Variants in CASD1 observed in about 807,000 individuals in gnomAD.
CASD1 encodes the protein N-acetylneuraminate (7)9-O-acetyltransferase.
Under a neutral mutation model 100.0 loss-of-function variants are expected in CASD1, and 41 were observed. That is an observed-to-expected ratio of 0.41 (90% CI 0.32 to 0.53). The LOEUF (loss-of-function observed/expected upper bound fraction) is 0.53. Among genes scored for constraint, CASD1 ranks in the 20% least tolerant of loss-of-function variants. The probability of loss-of-function intolerance (pLI) is 0.25; values close to 1 mark genes in which losing one functional copy is unlikely to be tolerated. For synonymous variants in CASD1, 321 were observed against 315.6 expected, an observed-to-expected ratio of 1.02 and a Z score of -0.18; for missense variants, 774 against 948.7, an observed-to-expected ratio of 0.82 and a Z score of 2.42.
intron 8 of CASD1, among the ~76,000 whole-genome samples, chr7:94,537,241 T>C (rs1460243469): frequency 6.6e-6 from 1 of 152,166 alleles, no homozygotes; most frequent in African/African-American, 2.4e-5. Flanking sequence ...TGGGTCACAT[T>C]ATAAAATGAA....
At chr7:94,558,390 C>T (rs2374738), downstream of CASD1, among the ~76,000 whole-genome samples, 108,134 of 151,548 alleles carry the variant, frequency 0.71, 40,379 homozygotes, top group East Asian at 1. Context: ...GAGTCTGTTG[C>T]ATAACAGGAG....
intron 1 of CASD1, among the ~76,000 whole-genome samples, chr7:94,513,340 AT>A (rs201286262): frequency 2.7e-5 from 4 of 146,810 alleles, no homozygotes; most frequent in South Asian, 2.1e-4. Flanking sequence ...GAGTTTTTCT[AT>A]TTTTTTTTCC....
At chr7:94,536,034 G>C (rs942119288) in intron 8 of CASD1, among the ~76,000 whole-genome samples, 1 of 152,190 alleles carries the variant, frequency 6.6e-6, no homozygotes, top group Non-Finnish European at 1.5e-5. Context: ...CTTGAGGTCA[G>C]GAGTTCGAGA....
chr7:94,542,226 A>G (rs1795437856), intron 10 of CASD1, among the ~76,000 whole-genome samples: 1 of 152,204 alleles, frequency 6.6e-6, no homozygotes, highest in African/African-American at 2.4e-5. Flanking sequence ...AAATATTTAT[A>G]GAGCCATCAG....
At chr7:94,607,180 A>G in the CASD1 span, among the ~76,000 whole-genome samples, 1 of 152,202 alleles carries the variant, frequency 6.6e-6, no homozygotes, top group African/African-American at 2.4e-5. Context: ...AGCAGAAAGC[A>G]TCAGGTCCAG....
At chr7:94,586,073 A>C in the CASD1 span, among the ~76,000 whole-genome samples, 7 of 149,988 alleles carry the variant, frequency 4.7e-5, no homozygotes, top group East Asian at 1.9e-4. Flanking sequence ...AAAAAAAAAA[A>C]AAAAAAAAAA....
the CASD1 span, chr7:94,628,389 A>C: frequency 6.4e-7 from 1 of 1,560,706 alleles, no homozygotes; most frequent in Non-Finnish European, 8.8e-7. Context: ...TTAAGACATA[A>C]GACAGTTATT....
At chr7:94,517,005 G>A (rs1188150356) in intron 1 of CASD1, among the ~76,000 whole-genome samples, 1 of 151,938 alleles carries the variant, frequency 6.6e-6, no homozygotes, top group Non-Finnish European at 1.5e-5. Context: ...CTGGGTTAAA[G>A]CAATTCTCAT....
chr7:94,510,318 C>A (rs1219677524), intron 1 of CASD1, 101 bp downstream of exon 1: 3 of 930,674 alleles, frequency 3.2e-6, no homozygotes, highest in East Asian at 6.9e-5. Context: ...ACGCGGCCTT[C>A]CGCCGGCCCG....
the CASD1 span, chr7:94,599,570 AC>A: frequency 1.3e-6 from 1 of 792,900 alleles, no homozygotes. Context: ...AGCAGCTTTC[AC>A]ATTTATGAAA....
chr7:94,561,145 G>A (rs926083308), downstream of CASD1, among the ~76,000 whole-genome samples: 2 of 152,112 alleles, frequency 1.3e-5, no homozygotes, highest in Admixed American at 1.3e-4. Flanking sequence ...TACTTGGGAG[G>A]CTGAGGCAGG....
chr7:94,600,245 A>G, the CASD1 span: 1 of 208,006 alleles, frequency 4.8e-6, no homozygotes, highest in Non-Finnish European at 9.7e-6. Context: ...GTTTGACAGC[A>G]GAATGATTTC....
At chr7:94,599,748 AT>A in the CASD1 span, 1 of 1,463,026 alleles carries the variant, frequency 6.8e-7, no homozygotes, top group South Asian at 1.1e-5. Flanking sequence ...AAATTTATGA[AT>A]TAAATAATAG....
the CASD1 span, among the ~76,000 whole-genome samples, chr7:94,632,255 C>T: frequency 6.6e-5 from 10 of 152,068 alleles, no homozygotes; most frequent in East Asian, 1.9e-3. Flanking sequence ...CTACATTGCC[C>T]TCCACAGGTC....
chr7:94,538,326 C>T (rs1795217762), intron 9 of CASD1, among the ~76,000 whole-genome samples: 1 of 152,044 alleles, frequency 6.6e-6, no homozygotes, highest in Non-Finnish European at 1.5e-5. Context: ...TATATACATA[C>T]CAATCAGAAC....
chr7:94,537,749 T>G lies in CASD1; in HGVS notation c.1121T>G (p.Leu374Arg). Residue 374 changes from leucine (L) to arginine (R), a missense_variant, in exon 9 of 18, where the codon CTT (leucine) becomes CGT (arginine). By Grantham distance (102) the Leu-to-Arg change is moderately radical (BLOSUM62 -2). Transcript: ENST00000297273. ...ATACTTTTACAATCTTTCTGCAAAC[T>G]TGGCCTGATTATGGCATATTTCTAT... ...LEILLQSFCKLGLIMAYFYMC... is the reference protein window; with the variant it reads ...LEILLQSFCKRGLIMAYFYMC... The G allele has an allele frequency of 6.2e-7, 1 of 1,613,802 alleles. No individual in the cohort carries two copies. Among genetic ancestry groups the G allele is most frequent in the Non-Finnish European group, 8.5e-7 (1 of 1,179,876 alleles).
rs1430577675 is a variant in CASD1, at chr7:94,533,397, C to G, written c.504+148C>G. ...ATGATTAGATTGATGAATTTTAATA[C>G]AAATACTGGAATTAACTTAGGAAAC... is the stretch of plus-strand genomic sequence containing the variant. On this transcript the variant is annotated intron_variant, in intron 6 of 17. Transcript: ENST00000297273. 34 of 612,838 alleles carry G rather than the reference C, an allele frequency of 5.5e-5. No individual in the cohort carries two copies. The East Asian group carries it at 8.1e-4, about 15-fold the overall frequency. The allele number at this position is 612,838 out of a possible 1,614,324, so 38.0% of individuals were successfully genotyped here.
chr7:94,563,057 A>G, the CASD1 span, among the ~76,000 whole-genome samples: 1 of 152,156 alleles, frequency 6.6e-6, no homozygotes, highest in Non-Finnish European at 1.5e-5. Context: ...CCTATCTTAC[A>G]TACAAAGGCC....
chr7:94,547,476 G>A (rs1253869874), intron 13 of CASD1, among the ~76,000 whole-genome samples: 3 of 151,888 alleles, frequency 2.0e-5, no homozygotes, highest in African/African-American at 7.2e-5. Context: ...ACTAGTCTAA[G>A]TGGAGATCAA....
Sources: allele counts gnomAD v4.1 joint callset (sites outside exome capture counted in the v4.1 genomes callset), GRCh38; gene constraint gnomAD v4.1.1; transcripts MANE v1.5; gene names NCBI Gene and HGNC (gene_info 2026-07-23, HGNC 2026-07-21).